The following ITGAM variants were observed in gnomAD, a reference collection of about 807,000 sequenced individuals.
ITGAM encodes the protein integrin subunit alpha M.
Under a neutral mutation model 137.5 loss-of-function variants are expected in ITGAM, and 79 were observed. The ratio of observed to expected loss-of-function variants is 0.57; its 90% CI spans 0.48 to 0.69. The LOEUF is 0.69. Among genes scored for constraint, ITGAM ranks in the 30% least tolerant of loss-of-function variants. The probability of loss-of-function intolerance (pLI) is 0.00; values close to 1 mark genes in which losing one functional copy is unlikely to be tolerated. For synonymous variants in ITGAM, 583 were observed against 592.3 expected (o/e 0.98, Z 0.23); for missense variants, 1,343 against 1,483.5 (o/e 0.91, Z 1.56).
At chr16:31,264,988 C>T (rs2144256028) in intron 2 of ITGAM, among the ~76,000 whole-genome samples, 1 of 152,270 alleles carries the variant, frequency 6.6e-6, no homozygotes, top group South Asian at 2.1e-4. Flanking sequence ...TTGCCTCAGC[C>T]TCCCATTTAG....
At chr16:31,312,174 T>C (rs1379440046) in intron 14 of ITGAM, among the ~76,000 whole-genome samples, 3 of 147,052 alleles carry the variant, frequency 2.0e-5, no homozygotes, top group African/African-American at 7.5e-5. Flanking sequence ...TTAGGAGATA[T>C]ACCTAATGCT....
chr16:31,319,077 A>G (rs537532986), intron 14 of ITGAM, among the ~76,000 whole-genome samples: 2 of 152,184 alleles, frequency 1.3e-5, no homozygotes, highest in Admixed American at 1.3e-4. Context: ...TCTTGATATA[A>G]TTTAAATCAT....
At chr16:31,284,590 G>T (rs189044919) in intron 12 of ITGAM, among the ~76,000 whole-genome samples, 1 of 152,288 alleles carries the variant, frequency 6.6e-6, no homozygotes, top group Non-Finnish European at 1.5e-5. Context: ...CAGTATTAGG[G>T]TGGGAGTGTC....
chr16:31,328,153 C>A lies in ITGAM; in HGVS notation c.2715C>A (p.Asn905Lys). 6.2e-7 allele frequency: 1 copy of A among 1,613,624 alleles called. No individual in the cohort carries two copies. Among genetic ancestry groups the A allele is most frequent in the Non-Finnish European group, 8.5e-7 (1 of 1,179,570 alleles). Residue 905 changes from asparagine (N) to lysine (K), a missense_variant, in exon 23 of 30, where the codon AAC becomes AAA. Transcript: ENST00000544665. ...LLLKANVTSE[N>K]NMPRTNKTEF... ...GCTCTTTCTTTCCCTCCAGTGAGAACAACATGCCCAGAACCAACAAAACCG... is the reference window on the plus strand; with the variant it reads ...GCTCTTTCTTTCCCTCCAGTGAGAAAAACATGCCCAGAACCAACAAAACCG...
chr16:31,262,093 C>T (rs2079706331), intron 2 of ITGAM, among the ~76,000 whole-genome samples: 1 of 152,144 alleles, frequency 6.6e-6, no homozygotes, highest in Non-Finnish European at 1.5e-5. Context: ...TACACGTTCC[C>T]TCCCTCAGCC....
intron 23 of ITGAM, chr16:31,328,957 C>CGT (rs200722553): frequency 2.5e-5 from 14 of 552,326 alleles, no homozygotes; most frequent in East Asian, 1.6e-4. Flanking sequence ...TGTATTTGTG[C>CGT]GTGTGTGTGT....
intron 12 of ITGAM, among the ~76,000 whole-genome samples, chr16:31,288,883 A>G (rs1482465881): frequency 2.0e-5 from 3 of 152,214 alleles, no homozygotes; most frequent in Non-Finnish European, 2.9e-5. Context: ...AATATCCAGA[A>G]TCATCAAAGA....
At chr16:31,330,884 G>T (rs2080572986) in intron 28 of ITGAM, among the ~76,000 whole-genome samples, 1 of 151,286 alleles carries the variant, frequency 6.6e-6, no homozygotes, top group Non-Finnish European at 1.5e-5. Flanking sequence ...TAGACAGAGA[G>T]ATAGAGATAA....
At chr16:31,272,226 G>A (rs1271738134) in intron 7 of ITGAM, among the ~76,000 whole-genome samples, 1 of 151,190 alleles carries the variant, frequency 6.6e-6, no homozygotes, top group African/African-American at 2.4e-5. Context: ...ATCAGCTCAG[G>A]CCAGGGAGCC....
intron 12 of ITGAM, 77 bp from the exon 13 acceptor site, chr16:31,297,437 T>A (rs2080145400): frequency 1.3e-5 from 21 of 1,592,522 alleles, no homozygotes; most frequent in Non-Finnish European, 1.8e-5. Flanking sequence ...CAGGCATAAC[T>A]TTTCTTCAGA....
At chr16:31,329,077 C>CCT in intron 23 of ITGAM, 151 bp from the exon 24 acceptor site, 1 of 484,216 alleles carries the variant, frequency 2.1e-6, no homozygotes, top group South Asian at 2.1e-5. Context: ...ATTGGTTCCC[C>CCT]CATCCCCCTG....
At chr16:31,328,908 GTGTC>G (rs1470907181) in intron 23 of ITGAM, 4 of 478,964 alleles carry the variant, frequency 8.4e-6, no homozygotes, top group East Asian at 4.0e-5. Flanking sequence ...GCATGTGTGT[GTGTC>G]TGAGGATCTA....
chr16:31,298,204 CAAAAAAAAAA>C (rs61202942), intron 14 of ITGAM, among the ~76,000 whole-genome samples: 3 of 77,820 alleles, frequency 3.9e-5, no homozygotes, highest in African/African-American at 5.1e-5. Context: ...CCCATCTCTC[CAAAAAAAAAA>C]AAAAAAAAAA....
chr16:31,262,373 TTC>T (rs2079713788), intron 2 of ITGAM, among the ~76,000 whole-genome samples: 2 of 140,164 alleles, frequency 1.4e-5, no homozygotes, highest in South Asian at 5.2e-4. Flanking sequence ...CCTTCCTTCC[TTC>T]CTTCCTTCCT....
At chr16:31,282,837 G>A (rs2066974088) in intron 12 of ITGAM, among the ~76,000 whole-genome samples, 1 of 152,186 alleles carries the variant, frequency 6.6e-6, no homozygotes, top group South Asian at 2.1e-4. Context: ...AATTTGGTAT[G>A]TTTTTGCAGT....
At chr16:31,282,978 A>T (rs2079986588) in intron 12 of ITGAM, among the ~76,000 whole-genome samples, 1 of 152,096 alleles carries the variant, frequency 6.6e-6, no homozygotes, top group Non-Finnish European at 1.5e-5. Context: ...TCACTTATGA[A>T]GCTTAGTTTG....
intron 5 of ITGAM, among the ~76,000 whole-genome samples, chr16:31,266,754 A>C (rs2079772959): frequency 6.6e-6 from 1 of 152,050 alleles, no homozygotes; most frequent in African/African-American, 2.4e-5. Flanking sequence ...GGATGGTGCA[A>C]GGTGTCATTG....
At chr16:31,287,086 A>G (rs1277448068) in intron 12 of ITGAM, among the ~76,000 whole-genome samples, 1 of 152,162 alleles carries the variant, frequency 6.6e-6, no homozygotes, top group African/African-American at 2.4e-5. Flanking sequence ...GTTCAGTTTC[A>G]TTCTTCTGCA....
chr16:31,325,540 C>T lies in ITGAM; in HGVS notation c.2546C>T (p.Ser849Phe). ...CGATCCTGGCGCCTGGCCTGTGAGT[C>T]TGCCTCCTCCACCGAAGTGTCTGGG... ...SQRSWRLACE[S>F]ASSTEVSGAL... Residue 849 changes from serine to phenylalanine, a missense_variant, in exon 21 of 30, where the codon TCT (serine) becomes TTT (phenylalanine). Physicochemically the swap from Ser to Phe is radical, Grantham distance 155. Coordinates refer to ENST00000544665, the MANE Select transcript of ITGAM (RefSeq NM_000632.4). The T allele has an allele frequency of 6.2e-7, 1 of 1,613,984 alleles. No individual in the cohort carries two copies. Among genetic ancestry groups the T allele is most frequent in the Non-Finnish European group, 8.5e-7 (1 of 1,179,890 alleles).
Sources: gnomAD v4.1 joint callset for allele counts (sites outside exome capture counted in the v4.1 genomes callset) on GRCh38, gnomAD v4.1.1 for gene constraint, MANE v1.5 for transcripts, NCBI Gene and HGNC (gene_info 2026-07-23, HGNC 2026-07-21) for gene names.